The following PRXL2C variants were observed in gnomAD, a reference collection of about 807,000 sequenced individuals.
The protein encoded by PRXL2C is peroxiredoxin like 2C, also known as peroxiredoxin-like 2C.
A neutral mutation model predicts 24.9 loss-of-function variants in PRXL2C; 38 were observed. The observed-to-expected ratio is 1.53, with a 90% CI of 1.18 to 2.00. The LOEUF (loss-of-function observed/expected upper bound fraction) is 2.00. PRXL2C is among the 30% of genes most tolerant of loss of function. The pLI is 0.00. For missense variants in PRXL2C, 294 were observed against 290.9 expected (o/e 1.01, Z -0.08); for synonymous variants, 98 against 117.2 (o/e 0.84, Z 1.06).
At chr9:96,647,671 T>C (rs1368854429) in intron 4 of PRXL2C, among the ~76,000 whole-genome samples, 3 of 152,102 alleles carry the variant, frequency 2.0e-5, no homozygotes, top group African/African-American at 7.2e-5. Context: ...CACTGGTTCA[T>C]GCCACCAATC....
At position 96,641,849 on chromosome 9, in the gene PRXL2C, C is replaced by A. The variant is rs140240239; in HGVS notation, c.591G>T (p.Arg197Ser). ...CAGAGTTGATAGGTTTGTGATCCAA[C>A]CTATTCCTATCGCGGTGTATAAAAT... ...NIHFIHRDRNRLDHKPINSVL... is the reference protein window; with the variant it reads ...NIHFIHRDRNSLDHKPINSVL... Residue 197 changes from arginine to serine, a missense_variant, in exon 6 of 6, where the codon AGG becomes AGT. Arg to Ser is a moderately radical substitution (Grantham distance 110). Coordinates refer to ENST00000375234, the MANE Select transcript of PRXL2C (RefSeq NM_153698.2). The A allele has an allele frequency of 5.4e-4, 837 of 1,541,078 alleles. 1 individual carries two copies. The highest frequency in any genetic ancestry group is 7.1e-4 in the Non-Finnish European group (804 of 1,129,940).
rs370118964 is a variant in PRXL2C at position 96,646,762 on chromosome 9, A to G, written c.422-738T>C. Among the ~76,000 whole-genome samples the G allele has an allele frequency of 8.5e-5, 13 of 152,304 alleles. No homozygotes were observed. In the East Asian group the frequency reaches 2.3e-3, roughly 27 times the overall value. ...TCCCGGAACTGCTGCTCAAGAGGAA[A>G]GGCATCCAAATAGAAAAACCGTTCT... On this transcript the variant is annotated intron_variant, in intron 4 of 5. Transcript: ENST00000375234.
chr9:96,650,707 T>C (rs150354482), intron 4 of PRXL2C, among the ~76,000 whole-genome samples: 106 of 152,250 alleles, frequency 7.0e-4, no homozygotes, highest in African/African-American at 2.4e-3. Flanking sequence ...TTCCGTTTAA[T>C]TACAAAAGTA....
chr9:96,651,265 G>A (rs997684860), intron 4 of PRXL2C, 125 bp downstream of exon 4: 2 of 684,874 alleles, frequency 2.9e-6, no homozygotes, highest in African/African-American at 1.8e-5. Flanking sequence ...GCAACAGAGT[G>A]AGACTCCATC....
At position 96,655,310 on chromosome 9, in the gene PRXL2C, G is replaced by C. The variant is rs1489445460; in HGVS notation, c.-29C>G. The C allele has an allele frequency of 1.7e-5, 18 of 1,035,860 alleles. No homozygotes were observed. The highest frequency in any genetic ancestry group is 7.0e-6 in the Non-Finnish European group (6 of 862,760). The allele number at this position is 1,035,860 out of a possible 1,614,324, so 64.2% of individuals were successfully genotyped here. On this transcript the variant is annotated 5_prime_UTR_variant, in exon 1 of 6. Transcript: ENST00000375234. Reference sequence around the variant, plus strand: ...GCGGGGCGGCCGAGGGCCTGGGTCCGCTCTGTCAGCGCGGACCGGGGCGGG... The same window carrying C: ...GCGGGGCGGCCGAGGGCCTGGGTCCCCTCTGTCAGCGCGGACCGGGGCGGG...
rs1233287634 is a variant in PRXL2C, at chr9:96,640,115, G to GA, written c.*1643dup. On this transcript the variant is annotated 3_prime_UTR_variant, in exon 6 of 6. Coordinates refer to ENST00000375234, the MANE Select transcript of PRXL2C (RefSeq NM_153698.2). Reference sequence around the variant, plus strand: ...TCTCAAAAAAAAAAAAAAAATTCTAGAAAAATGAAAGATAACAAGTCTCCC... The same window carrying GA: ...TCTCAAAAAAAAAAAAAAAATTCTAGAAAAAATGAAAGATAACAAGTCTCCC... 7 of 150,130 alleles carry GA rather than the reference G, an allele frequency of 4.7e-5. No homozygotes were observed. Among genetic ancestry groups the GA allele is most frequent in the Admixed American group, 4.6e-4 (7 of 15,074 alleles). The allele number at this position is 150,130 out of a possible 1,614,324, so 9.3% of individuals were successfully genotyped here.
At chr9:96,653,440 T>G (rs1392170447) in intron 2 of PRXL2C, among the ~76,000 whole-genome samples, 1 of 152,132 alleles carries the variant, frequency 6.6e-6, no homozygotes, top group Non-Finnish European at 1.5e-5. Flanking sequence ...GACTGGTTAC[T>G]CAGGGATAAG....
chr9:96,653,552 C>T (rs1174887354), intron 2 of PRXL2C, among the ~76,000 whole-genome samples: 2 of 152,174 alleles, frequency 1.3e-5, no homozygotes, highest in African/African-American at 2.4e-5. Context: ...ACAATGTATA[C>T]TTCAAAATTG....
chr9:96,652,105 C>G (rs1485778182), intron 2 of PRXL2C, among the ~76,000 whole-genome samples: 1 of 152,176 alleles, frequency 6.6e-6, no homozygotes, highest in East Asian at 1.9e-4. Context: ...AAACAATCAA[C>G]AGAGAAGAGA....
At position 96,646,126 on chromosome 9, in the gene PRXL2C, T is replaced by C. The variant is rs1588101333; in HGVS notation, c.422-102A>G. The C allele has an allele frequency of 6.2e-6, 8 of 1,282,548 alleles. 1 individual carries two copies. Among genetic ancestry groups the C allele is most frequent in the Non-Finnish European group, 5.3e-6 (5 of 946,794 alleles). The allele number at this position is 1,282,548 out of a possible 1,614,324, so 79.4% of individuals were successfully genotyped here. ...ACATTCTCTTTCTTCCTTTAAAGAA[T>C]GGTTTCTCAATCTTTTACCATCAAC... On this transcript the variant is annotated intron_variant, in intron 4 of 5. Coordinates refer to ENST00000375234, the MANE Select transcript of PRXL2C (RefSeq NM_153698.2).
intron 2 of PRXL2C, 63 bp downstream of exon 2, chr9:96,654,642 C>T: frequency 2.0e-6 from 3 of 1,487,986 alleles, no homozygotes; most frequent in Admixed American, 2.0e-5. Flanking sequence ...GCCGCGTCCT[C>T]CCCCGCCCCG....
intron 5 of PRXL2C, among the ~76,000 whole-genome samples, 169 bp downstream of exon 5, chr9:96,645,724 G>C (rs1848189253): frequency 6.6e-6 from 1 of 151,492 alleles, no homozygotes; most frequent in Admixed American, 6.6e-5. Flanking sequence ...GTGAACCCGG[G>C]AGGCAGAGCT....
At chr9:96,645,132 A>G (rs1205611206) in intron 5 of PRXL2C, among the ~76,000 whole-genome samples, 3 of 150,088 alleles carry the variant, frequency 2.0e-5, no homozygotes, top group Non-Finnish European at 4.4e-5. Flanking sequence ...GATGGTCTTG[A>G]TCTCCTGACC....
chr9:96,644,880 T>C (rs1165802696), intron 5 of PRXL2C, among the ~76,000 whole-genome samples: 1 of 117,572 alleles, frequency 8.5e-6, no homozygotes, highest in East Asian at 2.3e-4. Context: ...CTACATGGAT[T>C]CTTTTTTTTT....
Position 96,645,533 on chromosome 9 carries a change from C to T in PRXL2C, c.553+360G>A, listed in dbSNP as rs1848185702. On this transcript the variant is annotated intron_variant, in intron 5 of 5. Coordinates refer to ENST00000375234, the MANE Select transcript of PRXL2C (RefSeq NM_153698.2). ...GGCCTCTGGGTGGGGCGCGGTGGCTCATGCCTGTAATCCCAACACTTTGGG... is the reference window on the plus strand; with the variant it reads ...GGCCTCTGGGTGGGGCGCGGTGGCTTATGCCTGTAATCCCAACACTTTGGG... Among the ~76,000 whole-genome samples, 3 of 151,814 alleles carry T rather than the reference C, an allele frequency of 2.0e-5. No homozygotes were observed. In the South Asian group the frequency reaches 6.3e-4, roughly 32 times the overall value.
At chr9:96,644,548 C>T (rs1220724741) in intron 5 of PRXL2C, among the ~76,000 whole-genome samples, 1 of 152,164 alleles carries the variant, frequency 6.6e-6, no homozygotes, top group South Asian at 2.1e-4. Flanking sequence ...TGCAGTGGCA[C>T]GATCTGGGCT....
chr9:96,644,109 G>T (rs1020769723), intron 5 of PRXL2C, among the ~76,000 whole-genome samples: 3 of 146,848 alleles, frequency 2.0e-5, no homozygotes, highest in Non-Finnish European at 4.5e-5. Context: ...CTCCAGCCTG[G>T]TGACAGAGCA....
intron 1 of PRXL2C, 63 bp from the exon 2 acceptor site, chr9:96,654,836 C>T: frequency 1.4e-6 from 2 of 1,467,294 alleles, no homozygotes; most frequent in South Asian, 1.2e-5. Flanking sequence ...CCCGAAGGAT[C>T]CCTGTACTTC....
intron 4 of PRXL2C, among the ~76,000 whole-genome samples, chr9:96,648,707 A>G (rs977066520): frequency 3.3e-5 from 5 of 152,208 alleles, no homozygotes; most frequent in African/African-American, 9.6e-5. Context: ...TTGCAATTCC[A>G]TATCTTTATT....
Sources: gnomAD v4.1 joint callset for allele counts (sites outside exome capture counted in the v4.1 genomes callset) on GRCh38, gnomAD v4.1.1 for gene constraint, MANE v1.5 for transcripts, NCBI Gene and HGNC (gene_info 2026-07-23, HGNC 2026-07-21) for gene names.